The following PANK2 variants were observed in gnomAD, a reference collection of about 807,000 sequenced individuals.
The protein encoded by PANK2 is pantothenate kinase 2.
Under a neutral mutation model 43.1 loss-of-function variants are expected in PANK2, and 36 were observed. The ratio of observed to expected loss-of-function variants is 0.84; its 90% CI spans 0.64 to 1.10. The LOEUF (loss-of-function observed/expected upper bound fraction) is 1.10, where lower values mean the gene tolerates loss of function less well. Ranked by LOEUF, PANK2 falls within the 50% of genes least tolerant of loss-of-function variation. PANK2 has a pLI of 0.00. For missense variants in PANK2, 576 were observed against 593.3 expected, an observed-to-expected ratio of 0.97 and a Z score of 0.30; for synonymous variants, 281 against 238.2, an observed-to-expected ratio of 1.18 and a Z score of -1.66.
At chr20:3,916,718 G>C (rs1023145036) in intron 4 of PANK2, among the ~76,000 whole-genome samples, 1 of 152,196 alleles carries the variant, frequency 6.6e-6, no homozygotes, top group African/African-American at 2.4e-5. Context: ...AAACCGCAGG[G>C]AAAGCTGTCT....
At chr20:3,895,287 A>C (rs988862015) in intron 1 of PANK2, among the ~76,000 whole-genome samples, 1 of 151,200 alleles carries the variant, frequency 6.6e-6, no homozygotes, top group Non-Finnish European at 1.5e-5. Flanking sequence ...TAAAATAAAT[A>C]AATAAATAAA....
intron 4 of PANK2, among the ~76,000 whole-genome samples, chr20:3,914,067 G>A (rs987850954): frequency 2.0e-5 from 3 of 152,026 alleles, no homozygotes; most frequent in Non-Finnish European, 4.4e-5. Context: ...GGGATTACAG[G>A]CGTGAGCCAC....
rs2090081783 is a variant in PANK2 at position 3,889,682 on chromosome 20, C to A, written c.252C>A (p.Thr84=). 4 of 1,593,882 alleles carry A rather than the reference C, an allele frequency of 2.5e-6. No homozygotes were observed. In the East Asian group the frequency reaches 6.7e-5, roughly 27 times the overall value. ...GACTGGGCTCTTACAGCGGCCCCAC[C>A]TCGGTCTCCCGCCAGCGCGTCGAAA... Residue 84 remains threonine, a synonymous_variant, in exon 1 of 7, where the codon ACC becomes ACA. Coordinates refer to ENST00000610179, the MANE Select transcript of PANK2 (RefSeq NM_001386393.1).
At chr20:3,913,930 AG>A (rs2090514328) in intron 4 of PANK2, among the ~76,000 whole-genome samples, 1 of 151,816 alleles carries the variant, frequency 6.6e-6, no homozygotes, top group African/African-American at 2.4e-5. Context: ...CTGGGACTAC[AG>A]GTGCCTGCCA....
chr20:3,908,335 C>A, intron 2 of PANK2, 57 bp downstream of exon 2: 1 of 1,401,706 alleles, frequency 7.1e-7, no homozygotes, highest in Non-Finnish European at 9.8e-7. Flanking sequence ...AAAAATAATG[C>A]CAGTAGCAAG....
intron 1 of PANK2, chr20:3,901,717 G>A (rs2090305153): frequency 1.7e-6 from 1 of 572,676 alleles, no homozygotes; most frequent in African/African-American, 2.0e-5. Flanking sequence ...TAAAGCTCTT[G>A]GATGTTTTAA....
At chr20:3,910,186 T>C (rs1422165089) in intron 2 of PANK2, among the ~76,000 whole-genome samples, 1 of 152,196 alleles carries the variant, frequency 6.6e-6, no homozygotes, top group Admixed American at 6.5e-5. Flanking sequence ...GCTCCCACCC[T>C]GTGTCACAAG....
chr20:3,891,663 G>A (rs1254826735), intron 1 of PANK2, among the ~76,000 whole-genome samples: 6 of 152,110 alleles, frequency 3.9e-5, no homozygotes, highest in Non-Finnish European at 8.8e-5. Context: ...AGATACTGTG[G>A]AAGTACTTCC....
chr20:3,905,529 A>G (rs2146852881), intron 1 of PANK2, among the ~76,000 whole-genome samples: 1 of 149,556 alleles, frequency 6.7e-6, no homozygotes, highest in Admixed American at 6.7e-5. Context: ...TTGTATTTTT[A>G]GTAGAGATGG....
intron 2 of PANK2, chr20:3,908,912 A>G (rs760209560): frequency 1.3e-5 from 2 of 155,410 alleles, no homozygotes; most frequent in Non-Finnish European, 2.9e-5. Context: ...CATTGTGAGC[A>G]AGACCTTGAG....
Position 3,906,652 on chromosome 20 carries a change from T to C in PANK2, c.299-1274T>C, listed in dbSNP as rs116614289. Among the ~76,000 whole-genome samples, 1,303 of 151,838 alleles carry C rather than the reference T, an allele frequency of 8.6e-3. 25 individuals are homozygous for C. The highest frequency in any genetic ancestry group is 0.03 in the African/African-American group (1,246 of 41,186). On this transcript the variant is annotated intron_variant, in intron 1 of 6. Transcript: ENST00000610179. ...TCTTGTAATTTATTGAATACTGTAC[T>C]AAAAATAAAAAAAACAATAAATACT...
At chr20:3,890,309 C>T (rs1438390171) in intron 1 of PANK2, among the ~76,000 whole-genome samples, 2 of 152,116 alleles carry the variant, frequency 1.3e-5, no homozygotes, top group Admixed American at 6.5e-5. Flanking sequence ...CGTTTTCCTT[C>T]TGTCTATTTG....
intron 5 of PANK2, 113 bp downstream of exon 5, chr20:3,917,163 T>C: frequency 7.1e-7 from 1 of 1,416,534 alleles, no homozygotes; most frequent in Non-Finnish European, 9.9e-7. Flanking sequence ...TGGGGTGGGG[T>C]TTGTTTTAGC....
Position 3,889,393 on chromosome 20 carries a change from G to A in PANK2, c.-38G>A. ...CGGCCGAGGGCGCGCCTCTGCTCTGGCTGGACTGCCGCGGAGGAGGCGAGA... is the reference window on the plus strand; with the variant it reads ...CGGCCGAGGGCGCGCCTCTGCTCTGACTGGACTGCCGCGGAGGAGGCGAGA... On this transcript the variant is annotated 5_prime_UTR_variant, in exon 1 of 7. Transcript: ENST00000610179. 6.4e-7 allele frequency: 1 copy of A among 1,574,798 alleles called. No individual in the cohort carries two copies. The highest frequency in any genetic ancestry group is 8.6e-7 in the Non-Finnish European group (1 of 1,162,416).
chr20:3,888,946 GGC>G, upstream of PANK2: 4 of 569,396 alleles, frequency 7.0e-6, no homozygotes, highest in Admixed American at 3.3e-5. Flanking sequence ...GACGACCAGC[GGC>G]CAGACGCTGC....
At chr20:3,895,485 T>TTTTTTTTTTTTTTTC (rs1159788209) in intron 1 of PANK2, among the ~76,000 whole-genome samples, 21 of 1,234 alleles carry the variant, frequency 0.017, no homozygotes, top group African/African-American at 0.02. Flanking sequence ...CCTGTCTCCG[T>TTTTTTTTTTTTTTTC]TTTTTTTTTT....
intron 3 of PANK2, 40 bp from the exon 4 acceptor site, chr20:3,912,418 A>T (rs2090481501): frequency 1.2e-6 from 2 of 1,601,552 alleles, no homozygotes; most frequent in African/African-American, 1.3e-5. Flanking sequence ...TCTTATTTTT[A>T]AAAATGTTAT....
chr20:3,889,214 C>A (rs200506776), upstream of PANK2: 2 of 1,612,806 alleles, frequency 1.2e-6, no homozygotes, highest in African/African-American at 1.3e-5. Flanking sequence ...CCTCCTCCAC[C>A]ACCCTCTCCC....
intron 1 of PANK2, among the ~76,000 whole-genome samples, chr20:3,895,166 C>G (rs183859644): frequency 1.3e-5 from 2 of 152,128 alleles, no homozygotes; most frequent in African/African-American, 2.4e-5. Flanking sequence ...CCCAGCTACT[C>G]AGGACGCTGA....
Sources: gnomAD v4.1 joint callset for allele counts (sites outside exome capture counted in the v4.1 genomes callset) on GRCh38, gnomAD v4.1.1 for gene constraint, MANE v1.5 for transcripts, NCBI Gene and HGNC (gene_info 2026-07-23, HGNC 2026-07-21) for gene names.